The following HOXB3 variants were observed in gnomAD, a reference collection of about 807,000 sequenced individuals.
HOXB3 encodes homeobox protein Hox-B3.
In HOXB3, 17 loss-of-function variants were observed where a neutral mutation model predicts 29.2. The observed-to-expected ratio is 0.58, with a 90% CI of 0.40 to 0.87. HOXB3 has a LOEUF of 0.87. Among genes scored for constraint, HOXB3 ranks in the 40% least tolerant of loss-of-function variants. The probability of loss-of-function intolerance (pLI) is 0.00; values close to 1 mark genes in which losing one functional copy is unlikely to be tolerated. For missense variants in HOXB3, 637 were observed against 616.3 expected, an observed-to-expected ratio of 1.03 and a Z score of -0.35; for synonymous variants, 317 against 285.9, an observed-to-expected ratio of 1.11 and a Z score of -1.10.
chr17:48,576,621 C>T lies in HOXB3; in HGVS notation c.-424-2607G>A, dbSNP rs1224502207. On this transcript the variant is annotated intron_variant, in intron 1 of 4. Coordinates refer to ENST00000498678, the MANE Select transcript of HOXB3 (RefSeq NM_001384749.1). Reference sequence around the variant, plus strand: ...GTGGGGGAGGGCAGATAGATTTTTCCGGGGCCCAGGCCCCAGGGCCCCCTC... The same window carrying T: ...GTGGGGGAGGGCAGATAGATTTTTCTGGGGCCCAGGCCCCAGGGCCCCCTC... 65 of 1,114,964 alleles carry T rather than the reference C, an allele frequency of 5.8e-5. 1 individual carries two copies. The highest frequency in any genetic ancestry group is 7.4e-5 in the Non-Finnish European group (60 of 809,566). The allele number at this position is 1,114,964 out of a possible 1,614,324, so 69.1% of individuals were successfully genotyped here.
chr17:48,572,523 C>G (rs1342484016), intron 2 of HOXB3, among the ~76,000 whole-genome samples: 3 of 152,116 alleles, frequency 2.0e-5, no homozygotes, highest in East Asian at 3.8e-4. Context: ...TATCTTCTCC[C>G]TTTGTCTTTC....
chr17:48,557,712 G>A (rs1468325038), intron 2 of HOXB3, among the ~76,000 whole-genome samples: 2 of 152,190 alleles, frequency 1.3e-5, no homozygotes, highest in South Asian at 4.1e-4. Flanking sequence ...TGGGGATGGA[G>A]GGTGGGAGCT....
intron 1 of HOXB3, chr17:48,575,759 C>T (rs1212861038): frequency 6.6e-6 from 1 of 152,596 alleles, no homozygotes; most frequent in East Asian, 1.9e-4. Flanking sequence ...ATCCTCCTCC[C>T]AGACTGGGAG....
At chr17:48,560,694 A>G (rs961552138) in intron 2 of HOXB3, among the ~76,000 whole-genome samples, 4 of 152,214 alleles carry the variant, frequency 2.6e-5, no homozygotes, top group Non-Finnish European at 5.9e-5. Context: ...GGAGCTGGAA[A>G]ATAAAAGCAA....
rs545407839 is a variant in HOXB3, at chr17:48,576,174, T to C, written c.-424-2160A>G. 3.3e-5 allele frequency: 5 copies of C among 152,934 alleles called. No homozygotes were observed. In the East Asian group the frequency reaches 7.7e-4, roughly 24 times the overall value. The allele number at this position is 152,934 out of a possible 1,614,324, so 9.5% of individuals were successfully genotyped here. On this transcript the variant is annotated intron_variant, in intron 1 of 4. Transcript: ENST00000498678. ...GCAGTCAGAGGGTGCTTTCGCTGGG[T>C]ATCGGGAGTGGGGGACAAAGAAAGG...
chr17:48,555,726 G>T, intron 2 of HOXB3, 108 bp from the exon 3 acceptor site: 1 of 629,102 alleles, frequency 1.6e-6, no homozygotes, highest in South Asian at 1.7e-5. Context: ...GGGGCAGACC[G>T]GCCAGAGGAG....
chr17:48,588,213 C>T (rs2070083136), intron 1 of HOXB3, among the ~76,000 whole-genome samples: 1 of 152,248 alleles, frequency 6.6e-6, no homozygotes, highest in African/African-American at 2.4e-5. Flanking sequence ...GCTCAGGGAG[C>T]CTGAAGTGGA....
intron 3 of HOXB3, 39 bp downstream of exon 3, chr17:48,555,492 G>A (rs1473462755): frequency 1.0e-5 from 7 of 702,472 alleles, no homozygotes; most frequent in African/African-American, 8.7e-5. Flanking sequence ...CATACTCTCC[G>A]CCATTCACAA....
Position 48,550,066 on chromosome 17 carries a change from AG to A in HOXB3, c.*267del. The A allele has an allele frequency of 2.4e-6, 1 of 417,646 alleles. No homozygotes were observed. Among genetic ancestry groups the A allele is most frequent in the Non-Finnish European group, 4.3e-6 (1 of 231,976 alleles). 25.9% of individuals were successfully genotyped at this position (417,646 alleles called of 1,614,324 possible). ...CCCGGGCGTGGAATTCCAACTTGGT[AG>A]TGCTGGAGCCCTGGGGTTGATGGGG... On this transcript the variant is annotated 3_prime_UTR_variant, in exon 5 of 5. Transcript: ENST00000498678.
chr17:48,551,156 ACCG>A lies in HOXB3; in HGVS notation c.471_473del (p.Gly164del), dbSNP rs748315432. ...CACCACTGCCTCCGCCGCCGCCGCC[ACCG>A]CCGCCGCCACCACAGCCCTCTGCTG... On this transcript the variant is annotated inframe_deletion, in exon 5 of 5. Coordinates refer to ENST00000498678, the MANE Select transcript of HOXB3 (RefSeq NM_001384749.1). The A allele has an allele frequency of 4.7e-6, 6 of 1,274,048 alleles. No individual in the cohort carries two copies. The highest frequency in any genetic ancestry group is 2.7e-5 in the South Asian group (1 of 37,336). 78.9% of individuals were successfully genotyped at this position (1,274,048 alleles called of 1,614,324 possible). A position where few individuals can be genotyped will look rare whatever the true frequency, so the allele number is the denominator to read the frequency against.
At chr17:48,579,839 G>A in intron 1 of HOXB3, 3 of 492,376 alleles carry the variant, frequency 6.1e-6, no homozygotes, top group East Asian at 6.1e-5. Context: ...GGAAAAATAA[G>A]AGCGGAGTGT....
Position 48,554,847 on chromosome 17 carries a change from G to A in HOXB3, c.-159+684C>T, listed in dbSNP as rs989872302. 4.3e-6 allele frequency: 3 copies of A among 702,208 alleles called. No homozygotes were observed. The highest frequency in any genetic ancestry group is 7.8e-6 in the Non-Finnish European group (3 of 384,806). The allele number at this position is 702,208 out of a possible 1,614,324, so 43.5% of individuals were successfully genotyped here. A position where few individuals can be genotyped will look rare whatever the true frequency, so the allele number is the denominator to read the frequency against. On this transcript the variant is annotated intron_variant, in intron 3 of 4. Coordinates refer to ENST00000498678, the MANE Select transcript of HOXB3 (RefSeq NM_001384749.1). The surrounding 1 kb of genome is among the most constrained non-coding windows in gnomAD (Gnocchi z 4.1). The stretch of plus-strand genomic sequence containing the variant: ...GGTTGGAGGGCGCCGAGGCCTGGCG[G>A]ACGGGACAGTGGGAAGAGAGAAAGG...
chr17:48,560,792 T>C (rs1062037), intron 2 of HOXB3, among the ~76,000 whole-genome samples: 22,859 of 152,120 alleles, frequency 0.15, 1,921 homozygotes, highest in Non-Finnish European at 0.19. Flanking sequence ...ACCCTGTGTG[T>C]GCTTCCTCCC....
At chr17:48,568,531 GC>G (rs2069466055) in intron 2 of HOXB3, among the ~76,000 whole-genome samples, 1 of 152,022 alleles carries the variant, frequency 6.6e-6, no homozygotes, top group Non-Finnish European at 1.5e-5. Flanking sequence ...CTCCCGGCCG[GC>G]CGCAGAAACA....
intron 2 of HOXB3, among the ~76,000 whole-genome samples, chr17:48,560,538 G>A (rs934720972): frequency 6.6e-6 from 1 of 151,894 alleles, no homozygotes; most frequent in African/African-American, 2.4e-5. Flanking sequence ...CTCCTTCCCC[G>A]GAATTCATAT....
chr17:48,581,882 G>A (rs184256953), intron 1 of HOXB3: 272 of 152,434 alleles, frequency 1.8e-3, no homozygotes, highest in Admixed American at 5.6e-3. Flanking sequence ...GGAGAACAGG[G>A]TTTATGGGCG....
At chr17:48,552,668 A>T in intron 3 of HOXB3, 36 bp from the exon 4 acceptor site, 1 of 526,276 alleles carries the variant, frequency 1.9e-6, no homozygotes, top group East Asian at 3.0e-5. Flanking sequence ...GGGGGAGAAG[A>T]GGACTGGGGC....
chr17:48,557,788 T>A (rs9910559), intron 2 of HOXB3, among the ~76,000 whole-genome samples: 7 of 152,204 alleles, frequency 4.6e-5, no homozygotes, highest in Non-Finnish European at 1.5e-5. Context: ...ATTAGTAGTA[T>A]CAAGAAAATA....
intron 2 of HOXB3, among the ~76,000 whole-genome samples, chr17:48,572,831 G>A (rs1279306093): frequency 6.6e-6 from 1 of 152,154 alleles, no homozygotes; most frequent in Non-Finnish European, 1.5e-5. Flanking sequence ...CCCTGCAGAG[G>A]TGTGACTCTC....
Sources: allele counts gnomAD v4.1 joint callset (sites outside exome capture counted in the v4.1 genomes callset), GRCh38; gene constraint gnomAD v4.1.1; non-coding constraint Gnocchi (gnomAD v3.1); transcripts MANE v1.5; gene names NCBI Gene and HGNC (gene_info 2026-07-23, HGNC 2026-07-21).